The following GDF3 variants were observed in gnomAD, a reference collection of about 807,000 sequenced individuals.
The protein encoded by GDF3 is growth differentiation factor 3, also known as growth/differentiation factor 3.
Under a neutral mutation model 10.2 loss-of-function variants are expected in GDF3, and 10 were observed. The observed-to-expected ratio is 0.98, with a 90% CI of 0.60 to 1.66. GDF3 has a LOEUF of 1.66. Ranked by LOEUF, GDF3 falls within the 40% of genes most tolerant of loss-of-function variation. The pLI is 0.00. For missense variants in GDF3, 450 were observed against 438.3 expected, an observed-to-expected ratio of 1.03 and a Z score of -0.24; for synonymous variants, 166 against 178.5, an observed-to-expected ratio of 0.93 and a Z score of 0.56.
Position 7,689,931 on chromosome 12 carries a change from CA to C in GDF3, c.1041del (p.Asn347LysfsTer11), listed in dbSNP as rs1864107164. The C allele has an allele frequency of 1.2e-6, 2 of 1,613,936 alleles. No individual in the cohort carries two copies. Among genetic ancestry groups the C allele is most frequent in the African/African-American group, 1.3e-5 (1 of 75,042 alleles). Reference sequence around the variant, plus strand: ...ATGTCTTCATAATGTCGTAGAATGACATTGTCATTATTGTCCTGGTAGAGCA... The same window carrying C: ...ATGTCTTCATAATGTCGTAGAATGACTTGTCATTATTGTCCTGGTAGAGCA... ...ISMLYQDNND[N>X]VILRHYEDMV... is the part of the protein sequence containing the mutation. On this transcript the variant is annotated frameshift_variant, in exon 2 of 2. Transcript: ENST00000329913. LOFTEE classifies it high-confidence loss of function.
intron 1 of GDF3, 81 bp from the exon 2 acceptor site, chr12:7,690,785 C>T: frequency 1.2e-6 from 1 of 800,434 alleles, no homozygotes; most frequent in Non-Finnish European, 2.2e-6. Flanking sequence ...TGCCAGACAC[C>T]CACATATACA....
rs1183425683 is a variant in GDF3, at chr12:7,691,570, GAAAAAGA to G, written c.269-873_269-867del. ...AAATAAATAAATAAATAAAAGAAAA[GAAAAAGA>G]AAAAAAAAAACAAAACACTTATGCT... On this transcript the variant is annotated intron_variant, in intron 1 of 1. Transcript: ENST00000329913. 1.3e-3 allele frequency among the ~76,000 whole-genome samples: 178 copies of G among 139,104 alleles called. 2 individuals are homozygous for G. Among genetic ancestry groups the G allele is most frequent in the African/African-American group, 4.6e-3 (174 of 38,198 alleles). The allele number at this position is 139,104 out of a possible 152,430, so 91.3% of individuals were successfully genotyped here.
chr12:7,695,431 G>C, intron 1 of GDF3, 30 bp downstream of exon 1: 1 of 1,603,642 alleles, frequency 6.2e-7, no homozygotes, highest in South Asian at 1.1e-5. Flanking sequence ...AGTTCCAGAT[G>C]TTTTTCTGGA....
chr12:7,695,479 G>A lies in GDF3; in HGVS notation c.250C>T (p.Arg84Cys), dbSNP rs867390778. The change falls in exon 1 of 2, where the codon CGC (arginine) becomes TGC (cysteine). Residue 84 changes from arginine to cysteine, a missense_variant. Physicochemically the swap from Arg to Cys is radical, Grantham distance 180 (BLOSUM62 -3). Transcript: ENST00000329913. ...KELGVRGNVL[R>C]FLPDQGFFLY... is the part of the protein sequence containing the mutation. ...TCCTTACCTTGGTCTGGGAGAAAGC[G>A]AAGTACATTCCCGCGGACGCCCAGC... 6.2e-6 allele frequency: 10 copies of A among 1,613,922 alleles called. No homozygotes were observed. Among genetic ancestry groups the A allele is most frequent in the East Asian group, 4.5e-5 (2 of 44,896 alleles).
chr12:7,690,144 C>A lies in GDF3; in HGVS notation c.829G>T (p.Gly277Cys). Reference sequence around the variant, plus strand: ...GGGGCAATGATCCACTTGTGCCAACCCAGGTCCCGGAAGTTAATGAATAGC... The same window carrying A: ...GGGGCAATGATCCACTTGTGCCAACACAGGTCCCGGAAGTTAATGAATAGC... Reference protein sequence around the residue: ...HQLFINFRDLGWHKWIIAPKG... With the variant: ...HQLFINFRDLCWHKWIIAPKG... Residue 277 changes from glycine (G) to cysteine (C), a missense_variant, in exon 2 of 2, where the codon GGT becomes TGT. Gly to Cys is a radical substitution (Grantham distance 159, BLOSUM62 -3). Coordinates refer to ENST00000329913, the MANE Select transcript of GDF3 (RefSeq NM_020634.3). The A allele has an allele frequency of 6.2e-7, 1 of 1,614,066 alleles. No individual in the cohort carries two copies. The highest frequency in any genetic ancestry group is 1.6e-4 in the Middle Eastern group (1 of 6,062).
At chr12:7,690,807 G>A (rs754191808) in intron 1 of GDF3, 103 bp from the exon 2 acceptor site, 1 of 726,032 alleles carries the variant, frequency 1.4e-6, no homozygotes, top group Non-Finnish European at 2.4e-6. Context: ...TATAAGGGCA[G>A]GGAAAGACAC....
rs367760258 is a variant in GDF3 at position 7,690,594 on chromosome 12, G to T, written c.379C>A (p.Leu127Met). 5 of 1,606,342 alleles carry T rather than the reference G, an allele frequency of 3.1e-6. No individual in the cohort carries two copies. Among genetic ancestry groups the T allele is most frequent in the Non-Finnish European group, 4.2e-6 (5 of 1,176,550 alleles). The part of the protein sequence containing the change: ...KEREQLTLAQ[L>M]GLDLGPNSYY... ...GAATTGGGCCCCAAGTCCAGGCCCA[G>T]CTGGGCCAATGTCAACTGTTCCCTT... is the stretch of plus-strand genomic sequence containing the variant. The change falls in exon 2 of 2, where the codon CTG becomes ATG. Residue 127 changes from leucine to methionine, a missense_variant. Coordinates refer to ENST00000329913, the MANE Select transcript of GDF3 (RefSeq NM_020634.3).
intron 1 of GDF3, among the ~76,000 whole-genome samples, chr12:7,695,259 CT>C (rs1194292682): frequency 6.6e-6 from 1 of 152,200 alleles, no homozygotes; most frequent in Non-Finnish European, 1.5e-5. Flanking sequence ...AGGTTACCTA[CT>C]GTCTGAGCCT....
chr12:7,691,161 A>G (rs1864126371), intron 1 of GDF3, among the ~76,000 whole-genome samples: 4 of 151,960 alleles, frequency 2.6e-5, no homozygotes, highest in South Asian at 4.1e-4. Context: ...AAAAAAAAAA[A>G]AAAGAAAGCC....
chr12:7,690,734 A>G (rs1247639921), intron 1 of GDF3, 30 bp from the exon 2 acceptor site: 1 of 1,239,672 alleles, frequency 8.1e-7, no homozygotes, highest in Admixed American at 1.7e-5. Context: ...TGTCAGAGTC[A>G]TAATGATGTA....
intron 1 of GDF3, among the ~76,000 whole-genome samples, chr12:7,691,628 T>A (rs776477064): frequency 1.3e-5 from 2 of 151,456 alleles, no homozygotes; most frequent in African/African-American, 2.4e-5. Context: ...TTTATGGTAG[T>A]TATAGGTATA....
At chr12:7,692,434 TAAA>T (rs762903239) in intron 1 of GDF3, among the ~76,000 whole-genome samples, 3 of 135,930 alleles carry the variant, frequency 2.2e-5, no homozygotes, top group Admixed American at 7.4e-5. Flanking sequence ...CCGTCTCAGT[TAAA>T]AAAAAAAAAA....
intron 1 of GDF3, 66 bp from the exon 2 acceptor site, chr12:7,690,770 A>G: frequency 1.1e-6 from 1 of 885,662 alleles, no homozygotes; most frequent in South Asian, 1.4e-5. Context: ...CCTATATAAT[A>G]GAAATGCCAG....
chr12:7,690,773 A>C, intron 1 of GDF3, 69 bp from the exon 2 acceptor site: 1 of 883,542 alleles, frequency 1.1e-6, no homozygotes, highest in Non-Finnish European at 1.9e-6. Context: ...ATATAATAGA[A>C]ATGCCAGACA....
intron 1 of GDF3, among the ~76,000 whole-genome samples, chr12:7,694,257 A>G (rs1355850695): frequency 6.6e-6 from 1 of 152,040 alleles, no homozygotes; most frequent in East Asian, 1.9e-4. Context: ...ACGACTCAAT[A>G]CGCATTTTTA....
At chr12:7,695,418 C>G (rs771376086) in intron 1 of GDF3, 43 bp downstream of exon 1, 1 of 1,576,812 alleles carries the variant, frequency 6.3e-7, no homozygotes, top group South Asian at 1.1e-5. Flanking sequence ...CTTCACACCA[C>G]CCAGTTCCAG....
chr12:7,690,704 C>A lies in GDF3; in HGVS notation c.269G>T (p.Gly90Val). Residue 90 changes from glycine (G) to valine (V), a missense_variant and splice_region_variant, in exon 2 of 2, where the codon GGT (glycine) becomes GTT (valine). Transcript: ENST00000329913. ...AATTTTCTTTGGGTAAAGAAAGAAACCTAGATGGGAAAAGAGACATGTCAG... is the reference window on the plus strand; with the variant it reads ...AATTTTCTTTGGGTAAAGAAAGAAAACTAGATGGGAAAAGAGACATGTCAG... ...GNVLRFLPDQ[G>V]FFLYPKKISQ... 1 of 1,547,380 alleles carries A rather than the reference C, an allele frequency of 6.5e-7. No individual in the cohort carries two copies. Among genetic ancestry groups the A allele is most frequent in the Non-Finnish European group, 8.9e-7 (1 of 1,119,586 alleles).
In GDF3 at chr12:7,695,451, A is replaced by G; in HGVS notation, c.268+10T>C. ...CAGATGTTTTTCTGGATAACACTCT[A>G]TTTCCTTACCTTGGTCTGGGAGAAA... On this transcript the variant is annotated intron_variant, in intron 1 of 1. Transcript: ENST00000329913. The G allele has an allele frequency of 6.2e-7, 1 of 1,613,286 alleles. No individual in the cohort carries two copies.
rs1010919096 is a variant in GDF3, at chr12:7,689,935, G to T, written c.1038C>A (p.Asp346Glu). ...CTTCATAATGTCGTAGAATGACATT[G>T]TCATTATTGTCCTGGTAGAGCATGG... ...PISMLYQDNN[D>E]NVILRHYEDM... Residue 346 changes from aspartate to glutamate, a missense_variant, in exon 2 of 2, where the codon GAC becomes GAA. Transcript: ENST00000329913. The T allele has an allele frequency of 1.2e-6, 2 of 1,613,672 alleles. No homozygotes were observed. Among genetic ancestry groups the T allele is most frequent in the East Asian group, 2.2e-5 (1 of 44,898 alleles).
Sources: gnomAD v4.1 joint callset for allele counts (sites outside exome capture counted in the v4.1 genomes callset) on GRCh38, gnomAD v4.1.1 for gene constraint, MANE v1.5 for transcripts, NCBI Gene and HGNC (gene_info 2026-07-23, HGNC 2026-07-21) for gene names.